The following PAPLN variants were observed in gnomAD, a reference collection of about 807,000 sequenced individuals.
PAPLN encodes papilin, proteoglycan like sulfated glycoprotein.
In PAPLN, 146 loss-of-function variants were observed where a neutral mutation model predicts 159.0. The ratio of observed to expected loss-of-function variants is 0.92; its 90% CI spans 0.80 to 1.05. The LOEUF is 1.05. Among genes scored for constraint, PAPLN ranks in the 50% least tolerant of loss-of-function variants. PAPLN has a pLI of 0.00. For synonymous variants in PAPLN, 734 were observed against 702.9 expected (o/e 1.04, Z -0.70); for missense variants, 1,720 against 1,743.9 (o/e 0.99, Z 0.24).
chr14:73,261,232 A>G lies in PAPLN; in HGVS notation c.2183A>G (p.Tyr728Cys), dbSNP rs1594817300. The change falls in exon 18 of 27, where the codon TAT becomes TGT. Residue 728 changes from tyrosine (Y) to cysteine (C), a missense_variant. Physicochemically the swap from Tyr to Cys is radical, Grantham distance 194. Transcript: ENST00000644200. ...CGGGGCTCCCAGTTTGGCTGTTGCT[A>G]TGACAACGTGGCCACTGCAGCCGGT... ...ECRGSQFGCCYDNVATAAGPL... is the reference protein window; with the variant it reads ...ECRGSQFGCCCDNVATAAGPL... 3.1e-6 allele frequency: 5 copies of G among 1,613,804 alleles called. No individual in the cohort carries two copies. The highest frequency in any genetic ancestry group is 1.1e-5 in the South Asian group (1 of 91,076).
chr14:73,252,451 C>G (rs1436237039), intron 10 of PAPLN, among the ~76,000 whole-genome samples, 198 bp from the exon 11 acceptor site: 1 of 152,172 alleles, frequency 6.6e-6, no homozygotes, highest in African/African-American at 2.4e-5. Context: ...CAGAGTAGGG[C>G]TCTCTCACAG....
intron 6 of PAPLN, 81 bp from the exon 7 acceptor site, chr14:73,250,826 C>T: frequency 6.7e-7 from 1 of 1,487,284 alleles, no homozygotes; most frequent in Non-Finnish European, 8.9e-7. Context: ...TGCGTGGGTG[C>T]TGGGGTTAGG....
At position 73,245,768 on chromosome 14, in the gene PAPLN, G is replaced by T; in HGVS notation, c.231+72G>T. The T allele has an allele frequency of 1.3e-6, 2 of 1,509,678 alleles. No individual in the cohort carries two copies. The highest frequency in any genetic ancestry group is 2.4e-5 in the South Asian group (2 of 82,290). 93.5% of individuals were successfully genotyped at this position (1,509,678 alleles called of 1,614,324 possible). The stretch of plus-strand genomic sequence containing the variant: ...TCCTGGCCGATTTCCCCATTGGGAT[G>T]CCCGCTCCTGGCCGCGGGCTGCTGG... On this transcript the variant is annotated intron_variant, in intron 4 of 26. Transcript: ENST00000644200. The surrounding 1 kb of genome is among the most constrained non-coding windows in gnomAD (Gnocchi z 4.2).
chr14:73,245,986 C>T lies in PAPLN; in HGVS notation c.232-87C>T. 1 of 1,324,818 alleles carries T rather than the reference C, an allele frequency of 7.5e-7. No homozygotes were observed. Among genetic ancestry groups the T allele is most frequent in the Non-Finnish European group, 1.0e-6 (1 of 995,404 alleles). 82.1% of individuals were successfully genotyped at this position (1,324,818 alleles called of 1,614,324 possible). A position where few individuals can be genotyped will look rare whatever the true frequency, so the allele number is the denominator to read the frequency against. ...CCGATGGGGCAGGCAAGGGAGACTC[C>T]TGGGCTCCCTGGGCTCGGGCGGGGC... On this transcript the variant is annotated intron_variant, in intron 4 of 26. Coordinates refer to ENST00000644200, the MANE Select transcript of PAPLN (RefSeq NM_001365906.3). The surrounding 1 kb of genome is among the most constrained non-coding windows in gnomAD (Gnocchi z 4.2).
In PAPLN at chr14:73,272,498, C is replaced by T. The variant is rs756131983; in HGVS notation, c.3671C>T (p.Pro1224Leu). 2 of 1,535,328 alleles carry T rather than the reference C, an allele frequency of 1.3e-6. No individual in the cohort carries two copies. Among genetic ancestry groups the T allele is most frequent in the Non-Finnish European group, 1.8e-6 (2 of 1,128,202 alleles). Residue 1224 changes from proline to leucine, a missense_variant, in exon 27 of 27, where the codon CCC becomes CTC. Pro to Leu is a moderately conservative substitution (Grantham distance 98). Transcript: ENST00000644200. ...STEVKVVSPA[P>L]TAQPRDPGRD... ...TCTCTCCCCTGTCGTTCTGCAGCAC[C>T]CACCGCCCAGCCCAGGGACCCTGGC...
intron 5 of PAPLN, among the ~76,000 whole-genome samples, chr14:73,247,797 CGTGTGTGTGTGTGTGT>C (rs869273897): frequency 3.1e-5 from 1 of 32,498 alleles, no homozygotes; most frequent in Non-Finnish European, 5.2e-5. Context: ...TCTCTTATCC[CGTGTGTGTGTGTGTGT>C]GTGTGTGTGT....
intron 14 of PAPLN, among the ~76,000 whole-genome samples, chr14:73,257,411 G>GC (rs958272556): frequency 1.5e-3 from 6 of 3,922 alleles, no homozygotes; most frequent in African/African-American, 3.5e-3. Context: ...CATTATTTCA[G>GC]GGGGGGTCCT....
chr14:73,263,851 G>A, intron 20 of PAPLN, 69 bp downstream of exon 20: 1 of 1,510,652 alleles, frequency 6.6e-7, no homozygotes, highest in African/African-American at 1.4e-5. Flanking sequence ...ACAGGTGTGT[G>A]TGACAGCTCC....
chr14:73,245,586 G>T lies in PAPLN; in HGVS notation c.171-50G>T. On this transcript the variant is annotated intron_variant, in intron 3 of 26. Transcript: ENST00000644200. The surrounding 1 kb of genome is among the most constrained non-coding windows in gnomAD (Gnocchi z 4.2). The stretch of plus-strand genomic sequence containing the variant: ...GCCTGCAGAGAGCCCCAGAACGGGG[G>T]CAGGGACGTTGGGTCTCGGTCAGGT... 6.5e-7 allele frequency: 1 copy of T among 1,538,348 alleles called. No individual in the cohort carries two copies. The highest frequency in any genetic ancestry group is 1.7e-4 in the Middle Eastern group (1 of 5,972).
intron 14 of PAPLN, among the ~76,000 whole-genome samples, chr14:73,256,544 A>AG (rs1455455430): frequency 6.6e-6 from 1 of 151,266 alleles, no homozygotes; most frequent in Non-Finnish European, 1.5e-5. Context: ...AAAAAAAAAA[A>AG]AAAAAAAGAA....
At chr14:73,247,682 T>TG (rs1884597147) in intron 5 of PAPLN, among the ~76,000 whole-genome samples, 1 of 57,274 alleles carries the variant, frequency 1.7e-5, no homozygotes. Flanking sequence ...GTGTGTGTGT[T>TG]GTGGGGATCG....
rs529994945 is a variant in PAPLN, at chr14:73,246,259, C to T, written c.334+84C>T. 27 of 1,153,442 alleles carry T rather than the reference C, an allele frequency of 2.3e-5. No individual in the cohort carries two copies. The East Asian group carries it at 4.4e-4, about 19-fold the overall frequency. The allele number at this position is 1,153,442 out of a possible 1,614,324, so 71.5% of individuals were successfully genotyped here. ...AGTTCCTATTGCCGTATTATAGAGG[C>T]GTTGTCATATATATATATATTAGAG... is the stretch of plus-strand genomic sequence containing the variant. On this transcript the variant is annotated intron_variant, in intron 5 of 26. Transcript: ENST00000644200.
chr14:73,263,096 G>C (rs1249295091), intron 19 of PAPLN: 1 of 399,378 alleles, frequency 2.5e-6, no homozygotes, highest in Admixed American at 4.0e-5. Context: ...GTATACCCCG[G>C]GGCCTGTCTG....
chr14:73,256,807 T>C (rs976005815), intron 14 of PAPLN, among the ~76,000 whole-genome samples: 1 of 151,988 alleles, frequency 6.6e-6, no homozygotes, highest in African/African-American at 2.4e-5. Flanking sequence ...CACTTGAACC[T>C]GGGAGGTGGA....
chr14:73,242,052 G>A (rs1044107183), intron 2 of PAPLN, among the ~76,000 whole-genome samples: 7 of 152,226 alleles, frequency 4.6e-5, no homozygotes, highest in Non-Finnish European at 1.0e-4. Context: ...GCCATGTCGG[G>A]CAGTTCACGG....
chr14:73,252,262 G>T, intron 10 of PAPLN, 121 bp downstream of exon 10: 1 of 1,382,904 alleles, frequency 7.2e-7, no homozygotes, highest in Non-Finnish European at 9.5e-7. Context: ...GGACAAGTAG[G>T]CGAGAAATCT....
chr14:73,256,567 A>G (rs1043661621), intron 14 of PAPLN, among the ~76,000 whole-genome samples: 5 of 150,340 alleles, frequency 3.3e-5, no homozygotes, highest in Non-Finnish European at 7.4e-5. Context: ...AGATTTTACC[A>G]CATATCTGTT....
Position 73,245,215 on chromosome 14 carries a change from C to T in PAPLN, c.171-421C>T, listed in dbSNP as rs1884078205. Reference sequence around the variant, plus strand: ...AAGGAGTAGTGAGGTGCCTCTGTCCCGGTTTGTATAGGGGTTGTTCCTGAG... The same window carrying T: ...AAGGAGTAGTGAGGTGCCTCTGTCCTGGTTTGTATAGGGGTTGTTCCTGAG... On this transcript the variant is annotated intron_variant, in intron 3 of 26. Transcript: ENST00000644200. This position sits in a 1 kb window ranked among gnomAD's most constrained non-coding sequence, Gnocchi z 4.2. 1.4e-5 allele frequency: 3 copies of T among 213,322 alleles called. No individual in the cohort carries two copies. The highest frequency in any genetic ancestry group is 1.5e-4 in the South Asian group (2 of 12,980). The allele number at this position is 213,322 out of a possible 1,614,324, so 13.2% of individuals were successfully genotyped here.
At chr14:73,271,735 C>T (rs978565638) in intron 26 of PAPLN, among the ~76,000 whole-genome samples, 7 of 152,114 alleles carry the variant, frequency 4.6e-5, no homozygotes, top group African/African-American at 1.7e-4. Context: ...CTCCTGACCT[C>T]GTGATCCGCC....
Sources: allele counts gnomAD v4.1 joint callset (sites outside exome capture counted in the v4.1 genomes callset), GRCh38; gene constraint gnomAD v4.1.1; non-coding constraint Gnocchi (gnomAD v3.1); transcripts MANE v1.5; gene names NCBI Gene and HGNC (gene_info 2026-07-23, HGNC 2026-07-21).